Variants in MBL2 observed in about 807,000 individuals in gnomAD.
The protein encoded by MBL2 is mannose-binding protein C.
MBL2 carries 6 observed loss-of-function variants against 12.7 expected under a neutral mutation model. The observed-to-expected ratio is 0.47, with a 90% confidence interval of 0.26 to 0.94. The LOEUF is 0.94. MBL2 is among the 40% of genes least tolerant of loss of function. The pLI is 0.15. For missense variants in MBL2, 307 were observed against 295.2 expected, an observed-to-expected ratio of 1.04 and a Z score of -0.29; for synonymous variants, 114 against 112.0, an observed-to-expected ratio of 1.02 and a Z score of -0.11.
intron 1 of MBL2, 63 bp downstream of exon 1, chr10:52,772,674 G>T: frequency 1.0e-6 from 1 of 959,092 alleles, no homozygotes; most frequent in Non-Finnish European, 1.2e-6. Flanking sequence ...TGCCTCCAGG[G>T]TCATGTCAGC....
rs1840313210 is a variant in MBL2 at position 52,766,909 on chromosome 10, C to G, written c.*1228G>C. 1 of 151,866 alleles carries G rather than the reference C, an allele frequency of 6.6e-6. No homozygotes were observed. Among genetic ancestry groups the G allele is most frequent in the African/African-American group, 2.4e-5 (1 of 41,262 alleles). 9.4% of individuals were successfully genotyped at this position (151,866 alleles called of 1,614,324 possible). Reference sequence around the variant, plus strand: ...ATAAGCATATAAAAAAGTGTTCAACCTTATTACATGTTGGGGAAATACAGA... The same window carrying G: ...ATAAGCATATAAAAAAGTGTTCAACGTTATTACATGTTGGGGAAATACAGA... On this transcript the variant is annotated 3_prime_UTR_variant, in exon 5 of 5. Coordinates refer to ENST00000674931, the MANE Select transcript of MBL2 (RefSeq NM_001378373.1).
rs1184244631 is a variant in MBL2 at position 52,766,617 on chromosome 10, T to A, written c.*1520A>T. On this transcript the variant is annotated 3_prime_UTR_variant, in exon 5 of 5. Coordinates refer to ENST00000674931, the MANE Select transcript of MBL2 (RefSeq NM_001378373.1). Reference sequence around the variant, plus strand: ...CTTATGATTTTGGGATGGGCAAAAATTTCTTAAACATGACACAAAAAGCAC... The same window carrying A: ...CTTATGATTTTGGGATGGGCAAAAAATTCTTAAACATGACACAAAAAGCAC... 2 of 152,008 alleles carry A rather than the reference T, an allele frequency of 1.3e-5. No homozygotes were observed. Among genetic ancestry groups the A allele is most frequent in the African/African-American group, 2.4e-5 (1 of 41,394 alleles). The allele number at this position is 152,008 out of a possible 1,614,324, so 9.4% of individuals were successfully genotyped here. A position where few individuals can be genotyped will look rare whatever the true frequency, so the allele number is the denominator to read the frequency against.
chr10:52,769,447 G>A (rs1840358151), intron 3 of MBL2, 132 bp from the exon 4 acceptor site: 4 of 561,966 alleles, frequency 7.1e-6, no homozygotes, highest in South Asian at 2.8e-5. Flanking sequence ...ACACTTTGAA[G>A]GAAAATAAAA....
In MBL2 at chr10:52,765,813, T is replaced by C. The variant is rs567403997; in HGVS notation, c.*2324A>G. 7 of 152,026 alleles carry C rather than the reference T, an allele frequency of 4.6e-5. No homozygotes were observed. Among genetic ancestry groups the C allele is most frequent in the Non-Finnish European group, 1.0e-4 (7 of 67,990 alleles). The allele number at this position is 152,026 out of a possible 1,614,324, so 9.4% of individuals were successfully genotyped here. ...TAAGGTAAGAAAAAAGGTAAAGCAA[T>C]TGGGAAGAAGCAAGTATTGCCATAT... is the stretch of plus-strand genomic sequence containing the variant. On this transcript the variant is annotated 3_prime_UTR_variant, in exon 5 of 5. Transcript: ENST00000674931.
In MBL2 at chr10:52,767,848, GA is replaced by G. The variant is rs1840329002; in HGVS notation, c.*288del. 4.1e-6 allele frequency: 1 copy of G among 246,574 alleles called. No homozygotes were observed. The highest frequency in any genetic ancestry group is 1.4e-4 in the South Asian group (1 of 7,114). The allele number at this position is 246,574 out of a possible 1,614,324, so 15.3% of individuals were successfully genotyped here. A position where few individuals can be genotyped will look rare whatever the true frequency, so the allele number is the denominator to read the frequency against. On this transcript the variant is annotated 3_prime_UTR_variant, in exon 5 of 5. Transcript: ENST00000674931. Reference sequence around the variant, plus strand: ...CATACTGCAGCAAGTTAACACTATCGAAAGCATTACAGATTAATTAAACTAG... The same window carrying G: ...CATACTGCAGCAAGTTAACACTATCGAAGCATTACAGATTAATTAAACTAG...
Position 52,768,346 on chromosome 10 carries a change from C to T in MBL2, c.538G>A (p.Glu180Lys). 1.2e-6 allele frequency: 2 copies of T among 1,613,882 alleles called. No individual in the cohort carries two copies. The highest frequency in any genetic ancestry group is 8.5e-7 in the Non-Finnish European group (1 of 1,179,982). Residue 180 changes from glutamate to lysine, a missense_variant, in exon 5 of 5, where the codon GAG (glutamate) becomes AAG (lysine). Physicochemically the swap from Glu to Lys is moderately conservative, Grantham distance 56. Coordinates refer to ENST00000674931, the MANE Select transcript of MBL2 (RefSeq NM_001378373.1). Reference sequence around the variant, plus strand: ...TCAGTGATGCCCAGGAAGGCTTCCTCCTTGATGAGATTCTGAATGGCTCCA... The same window carrying T: ...TCAGTGATGCCCAGGAAGGCTTCCTTCTTGATGAGATTCTGAATGGCTCCA... ...ENGAIQNLIK[E>K]EAFLGITDEK...
intron 1 of MBL2, 96 bp from the exon 2 acceptor site, chr10:52,771,740 T>C (rs562962093): frequency 2.7e-6 from 4 of 1,462,492 alleles, no homozygotes; most frequent in African/African-American, 2.8e-5. Flanking sequence ...GCAGGCTATA[T>C]AGAAATAGAT....
In MBL2 at chr10:52,768,157, C is replaced by T. The variant is rs185230071; in HGVS notation, c.727G>A (p.Val243Ile). 1.1e-4 allele frequency: 175 copies of T among 1,605,954 alleles called. No individual in the cohort carries two copies. The highest frequency in any genetic ancestry group is 6.7e-4 in the Middle Eastern group (4 of 6,004). The change falls in exon 5 of 5, where the codon GTC becomes ATC. Residue 243 changes from valine (V) to isoleucine (I), a missense_variant. Coordinates refer to ENST00000674931, the MANE Select transcript of MBL2 (RefSeq NM_001378373.1). ...DVPCSTSHLA[V>I]CEFPI is the part of the protein sequence containing the mutation. ...ACCCTTCAGATAGGGAACTCACAGA[C>T]GGCCAGATGGGAGGTGGAGCAGGGG...
At chr10:52,769,120 T>C in intron 4 of MBL2, 127 bp downstream of exon 4, 1 of 630,486 alleles carries the variant, frequency 1.6e-6, no homozygotes, top group Non-Finnish European at 2.8e-6. Context: ...GTTGTGAGAA[T>C]TTCATGAGGT....
At position 52,768,001 on chromosome 10, in the gene MBL2, G is replaced by C. The variant is rs2132690714; in HGVS notation, c.*136C>G. The C allele has an allele frequency of 9.4e-7, 1 of 1,061,092 alleles. No homozygotes were observed. The highest frequency in any genetic ancestry group is 1.3e-6 in the Non-Finnish European group (1 of 746,906). The allele number at this position is 1,061,092 out of a possible 1,614,324, so 65.7% of individuals were successfully genotyped here. On this transcript the variant is annotated 3_prime_UTR_variant, in exon 5 of 5. Transcript: ENST00000674931. ...TATTATTGCTTTGTTGGTGCTGTTA[G>C]TGATCATTTTTAGTGATTGCCCACA... is the stretch of plus-strand genomic sequence containing the variant.
In MBL2 at chr10:52,770,781, C is replaced by T. The variant is rs1840378972; in HGVS notation, c.193G>A (p.Gly65Arg). ...GGGGGGCCCTGTAAGCCTCTGAGCC[C>T]TTGGCCTGTTGGAAGACAAAGGAAA... ...TKGEKGEPGQ[G>R]LRGLQGPPGK... The change falls in exon 3 of 5, where the codon GGG becomes AGG. Residue 65 changes from glycine to arginine, a missense_variant. Gly to Arg is a moderately radical substitution (Grantham distance 125). Coordinates refer to ENST00000674931, the MANE Select transcript of MBL2 (RefSeq NM_001378373.1). 1 of 1,455,514 alleles carries T rather than the reference C, an allele frequency of 6.9e-7. No homozygotes were observed. Among genetic ancestry groups the T allele is most frequent in the Admixed American group, 2.5e-5 (1 of 40,280 alleles). The allele number at this position is 1,455,514 out of a possible 1,614,324, so 90.2% of individuals were successfully genotyped here.
chr10:52,771,360 A>G (rs1840389010), intron 2 of MBL2, 89 bp downstream of exon 2: 6 of 1,414,384 alleles, frequency 4.2e-6, no homozygotes, highest in East Asian at 4.6e-5. Flanking sequence ...AGAAAAATAT[A>G]CTCAAATAGG....
At chr10:52,770,579 T>G in intron 3 of MBL2, 91 bp downstream of exon 3, 1 of 770,784 alleles carries the variant, frequency 1.3e-6, no homozygotes. Flanking sequence ...TATCTTCCTT[T>G]GAAGGAACAG....
intron 3 of MBL2, 38 bp from the exon 4 acceptor site, chr10:52,769,353 A>G: frequency 7.3e-7 from 1 of 1,373,694 alleles, no homozygotes; most frequent in Non-Finnish European, 1.0e-6. Context: ...CATTGTTGAG[A>G]AGGAGCCTCA....
At position 52,768,337 on chromosome 10, in the gene MBL2, A is replaced by T; in HGVS notation, c.547T>A (p.Phe183Ile). Reference sequence around the variant, plus strand: ...GTCTTCTCATCAGTGATGCCCAGGAAGGCTTCCTCCTTGATGAGATTCTGA... The same window carrying T: ...GTCTTCTCATCAGTGATGCCCAGGATGGCTTCCTCCTTGATGAGATTCTGA... ...AIQNLIKEEA[F>I]LGITDEKTEG... Residue 183 changes from phenylalanine to isoleucine, a missense_variant, in exon 5 of 5, where the codon TTC (phenylalanine) becomes ATC (isoleucine). Transcript: ENST00000674931. 6.2e-7 allele frequency: 1 copy of T among 1,613,838 alleles called. No homozygotes were observed. The highest frequency in any genetic ancestry group is 8.5e-7 in the Non-Finnish European group (1 of 1,179,978).
chr10:52,772,300 G>A (rs36040527), intron 1 of MBL2, among the ~76,000 whole-genome samples: 56 of 152,248 alleles, frequency 3.7e-4, no homozygotes, highest in East Asian at 7.7e-4. Context: ...TTCTTACTAC[G>A]TTGGCCCTGG....
Position 52,768,461 on chromosome 10 carries a change from GGTCA to G in MBL2, c.419_422del (p.Leu140ProfsTer5). 6.2e-7 allele frequency: 1 copy of G among 1,602,464 alleles called. No individual in the cohort carries two copies. Among genetic ancestry groups the G allele is most frequent in the Non-Finnish European group, 8.5e-7 (1 of 1,175,716 alleles). On this transcript the variant is annotated frameshift_variant, in exon 5 of 5. Transcript: ENST00000674931. LOFTEE classifies it low-confidence loss of function (END_TRUNC). ...TTTCAAAGGTCATTATTTCACCATT[GGTCA>G]GGAAGAACTTGTTCCCAACTTGTTT...
chr10:52,769,804 T>G (rs72792773), intron 3 of MBL2, among the ~76,000 whole-genome samples: 1,671 of 152,296 alleles, frequency 0.011, 20 homozygotes, highest in Non-Finnish European at 0.018. Context: ...AAACCAAGAT[T>G]TTTGTGAGTT....
In MBL2 at chr10:52,768,485, T is replaced by A; in HGVS notation, c.399A>T (p.Gln133His). 1 of 1,582,396 alleles carries A rather than the reference T, an allele frequency of 6.3e-7. No homozygotes were observed. The highest frequency in any genetic ancestry group is 8.6e-7 in the Non-Finnish European group (1 of 1,165,846). The change falls in exon 5 of 5, where the codon CAA becomes CAT. Residue 133 changes from glutamine (Q) to histidine (H), a missense_variant. Transcript: ENST00000674931. ...TGGTCAGGAAGAACTTGTTCCCAAC[T>A]TGTTTGCCCAGAGAGAAGGTGAGCC... is the stretch of plus-strand genomic sequence containing the variant. ...KKWLTFSLGK[Q>H]VGNKFFLTNG...
Sources: gnomAD v4.1 joint callset for allele counts (sites outside exome capture counted in the v4.1 genomes callset) on GRCh38, gnomAD v4.1.1 for gene constraint, MANE v1.5 for transcripts, NCBI Gene and HGNC (gene_info 2026-07-23, HGNC 2026-07-21) for gene names.